Variants in COMMD10 observed in about 807,000 individuals in gnomAD.
COMMD10 encodes COMM domain-containing protein 10.
COMMD10 carries 33 observed loss-of-function variants against 28.9 expected under a neutral mutation model. The observed-to-expected ratio is 1.14, with a 90% CI of 0.87 to 1.53. COMMD10 has a LOEUF of 1.53. COMMD10 is among the 40% of genes most tolerant of loss of function. The pLI, the probability that COMMD10 is intolerant of heterozygous loss-of-function variation, is 0.00. For synonymous variants in COMMD10, 110 were observed against 81.7 expected, an observed-to-expected ratio of 1.35 and a Z score of -1.87; for missense variants, 310 against 233.4, an observed-to-expected ratio of 1.33 and a Z score of -2.14.
chr5:116,280,289 G>A (rs969357734), intron 5 of COMMD10, among the ~76,000 whole-genome samples: 1 of 151,812 alleles, frequency 6.6e-6, no homozygotes, highest in Non-Finnish European at 1.5e-5. Context: ...TCACAGAAAA[G>A]TAGAAATTTA....
chr5:116,225,843 G>A (rs1280438413), intron 5 of COMMD10, among the ~76,000 whole-genome samples: 6 of 151,462 alleles, frequency 4.0e-5, no homozygotes, highest in Non-Finnish European at 8.8e-5. Context: ...TTTTCACTAG[G>A]CTTCATAGGC....
rs567745067 is a variant in COMMD10, at chr5:116,234,818, T to A, written c.511-56699T>A. 2.6e-5 allele frequency among the ~76,000 whole-genome samples: 4 copies of A among 152,276 alleles called. No homozygotes were observed. In the South Asian group the frequency reaches 8.3e-4, roughly 32 times the overall value. ...TCTCAGAGTCTGTTTTGTGAAGAGA[T>A]CCCTTAAAGTATAATGGTGGCGGAG... On this transcript the variant is annotated intron_variant, in intron 5 of 6. Transcript: ENST00000274458.
chr5:116,128,685 T>C (rs1751747883), intron 4 of COMMD10, among the ~76,000 whole-genome samples: 1 of 152,006 alleles, frequency 6.6e-6, no homozygotes, highest in Non-Finnish European at 1.5e-5. Flanking sequence ...ATGTCAGCAA[T>C]GCCTACTATA....
intron 5 of COMMD10, 149 bp downstream of exon 5, chr5:116,134,327 G>C (rs1751961524): frequency 1.8e-6 from 1 of 542,380 alleles, no homozygotes; most frequent in Non-Finnish European, 3.3e-6. Flanking sequence ...GACAGAAATA[G>C]CTTATCTTGC....
intron 5 of COMMD10, among the ~76,000 whole-genome samples, chr5:116,281,042 T>A (rs1430828898): frequency 1.3e-5 from 2 of 151,930 alleles, no homozygotes; most frequent in Non-Finnish European, 2.9e-5. Flanking sequence ...ATCTCCTGAT[T>A]TTCTAGTTGA....
At chr5:116,141,389 G>C (rs1217895563) in intron 5 of COMMD10, among the ~76,000 whole-genome samples, 1 of 151,406 alleles carries the variant, frequency 6.6e-6, no homozygotes, top group Non-Finnish European at 1.5e-5. Flanking sequence ...ACTTTCTCAA[G>C]ATTATTTTGG....
chr5:116,107,082 T>A (rs767932434), intron 4 of COMMD10, among the ~76,000 whole-genome samples: 3 of 152,138 alleles, frequency 2.0e-5, no homozygotes, highest in Non-Finnish European at 4.4e-5. Context: ...GTGGGTAACC[T>A]GACCTTTCCC....
Position 116,087,723 on chromosome 5 carries a change from G to C in COMMD10, c.132+136G>C, listed in dbSNP as rs145875957. ...AGACACTGGTTCTGTGGAAGATTTG[G>C]TAATGTTTCATGGTCAGAAGTTTGA... On this transcript the variant is annotated intron_variant, in intron 2 of 6. Coordinates refer to ENST00000274458, the MANE Select transcript of COMMD10 (RefSeq NM_016144.4). The C allele has an allele frequency of 5.9e-4, 368 of 625,258 alleles. 2 individuals carry two copies. The African/African-American group carries it at 5.9e-3, about 10-fold the overall frequency. 38.7% of individuals were successfully genotyped at this position (625,258 alleles called of 1,614,324 possible). A position where few individuals can be genotyped will look rare whatever the true frequency, so the allele number is the denominator to read the frequency against.
At chr5:116,241,582 TC>T (rs1368599938) in intron 5 of COMMD10, among the ~76,000 whole-genome samples, 8 of 110,864 alleles carry the variant, frequency 7.2e-5, no homozygotes, top group African/African-American at 2.4e-4. Flanking sequence ...CACTCTGCTT[TC>T]TTATTTATTT....
At chr5:116,163,975 A>G (rs911293068) in intron 5 of COMMD10, among the ~76,000 whole-genome samples, 2 of 152,158 alleles carry the variant, frequency 1.3e-5, no homozygotes, top group African/African-American at 4.8e-5. Flanking sequence ...AGGTTTATCT[A>G]CAAAGGGGTG....
chr5:116,282,515 T>C (rs548244065), intron 5 of COMMD10, among the ~76,000 whole-genome samples: 238 of 152,076 alleles, frequency 1.6e-3, no homozygotes, highest in Non-Finnish European at 2.4e-3. Flanking sequence ...AAAGATCTCT[T>C]TTATCTATCC....
chr5:116,271,217 CAT>C (rs60748789), intron 5 of COMMD10, among the ~76,000 whole-genome samples: 50,367 of 148,390 alleles, frequency 0.34, 10,149 homozygotes, highest in African/African-American at 0.56. Context: ...TAAACATAAA[CAT>C]GGGGAAAATT....
At chr5:116,170,386 A>G (rs1432474448) in intron 5 of COMMD10, among the ~76,000 whole-genome samples, 3 of 152,216 alleles carry the variant, frequency 2.0e-5, no homozygotes, top group Non-Finnish European at 2.9e-5. Context: ...GGAAGAATCA[A>G]TATCGTGAAA....
chr5:116,187,686 G>T (rs1191420509), intron 5 of COMMD10, among the ~76,000 whole-genome samples: 1 of 152,080 alleles, frequency 6.6e-6, no homozygotes, highest in African/African-American at 2.4e-5. Flanking sequence ...CGGAAATTTG[G>T]AAATGAATAT....
intron 5 of COMMD10, among the ~76,000 whole-genome samples, chr5:116,161,862 C>G (rs774567475): frequency 2.0e-5 from 3 of 152,022 alleles, no homozygotes; most frequent in Non-Finnish European, 2.9e-5. Context: ...AAAATAAACT[C>G]ACGTATAAAT....
intron 4 of COMMD10, among the ~76,000 whole-genome samples, chr5:116,107,260 C>G (rs1477486389): frequency 6.6e-6 from 1 of 151,922 alleles, no homozygotes; most frequent in Non-Finnish European, 1.5e-5. Context: ...TGGATAATAC[C>G]CTGAAGAGTG....
At chr5:116,205,079 C>G (rs1748777274) in intron 5 of COMMD10, among the ~76,000 whole-genome samples, 1 of 152,100 alleles carries the variant, frequency 6.6e-6, no homozygotes, top group African/African-American at 2.4e-5. Context: ...TATTTTATTG[C>G]TTTAAACATA....
intron 5 of COMMD10, among the ~76,000 whole-genome samples, chr5:116,135,532 C>G (rs1277356325): frequency 6.6e-6 from 1 of 152,054 alleles, no homozygotes; most frequent in Non-Finnish European, 1.5e-5. Context: ...GGTGGTTTCC[C>G]TTTATGTGCA....
At chr5:116,267,878 G>T (rs1282216551) in intron 5 of COMMD10, among the ~76,000 whole-genome samples, 2 of 151,796 alleles carry the variant, frequency 1.3e-5, no homozygotes, top group Non-Finnish European at 2.9e-5. Flanking sequence ...AATGGTGCTG[G>T]GAAAACTGGC....
Sources: gnomAD v4.1 joint callset for allele counts (sites outside exome capture counted in the v4.1 genomes callset) on GRCh38, gnomAD v4.1.1 for gene constraint, MANE v1.5 for transcripts, NCBI Gene and HGNC (gene_info 2026-07-23, HGNC 2026-07-21) for gene names.